IST1: variants seen among roughly 807,000 people sequenced by gnomAD.
IST1 encodes IST1 homolog.
In IST1, 23 loss-of-function variants were observed where a neutral mutation model predicts 37.0. The ratio of observed to expected loss-of-function variants is 0.62; its 90% confidence interval spans 0.45 to 0.88. The LOEUF (loss-of-function observed/expected upper bound fraction) is 0.88, where lower values mean the gene tolerates loss of function less well. Among genes scored for constraint, IST1 ranks in the 40% least tolerant of loss-of-function variants. IST1 has a pLI of 0.00. For missense variants in IST1, 488 were observed against 445.4 expected, an observed-to-expected ratio of 1.10 and a Z score of -0.86; for synonymous variants, 180 against 161.7, an observed-to-expected ratio of 1.11 and a Z score of -0.86.
chr16:71,904,755 T>G (rs1055010919), intron 1 of IST1, among the ~76,000 whole-genome samples: 2 of 152,184 alleles, frequency 1.3e-5, no homozygotes, highest in Admixed American at 6.5e-5. Flanking sequence ...TTCCCATACT[T>G]TACTTTTAAA....
intron 4 of IST1, among the ~76,000 whole-genome samples, chr16:71,917,988 C>T (rs1287629392): frequency 6.6e-6 from 1 of 152,150 alleles, no homozygotes; most frequent in East Asian, 1.9e-4. Flanking sequence ...AAGAGTGAGG[C>T]ACTAAAAAGG....
chr16:71,919,121 C>A (rs1303606492), intron 4 of IST1, among the ~76,000 whole-genome samples: 1 of 152,242 alleles, frequency 6.6e-6, no homozygotes, highest in Non-Finnish European at 1.5e-5. Context: ...CCTGTCACGA[C>A]CTCTTGCTTT....
chr16:71,894,975 C>A, upstream of IST1: 1 of 738,110 alleles, frequency 1.4e-6, no homozygotes, highest in Middle Eastern at 2.6e-4. Context: ...GATGCTGGTC[C>A]AAAGGGCAAC....
intron 6 of IST1, among the ~76,000 whole-genome samples, chr16:71,922,167 G>C (rs2037607068): frequency 6.6e-6 from 1 of 152,134 alleles, no homozygotes; most frequent in South Asian, 2.1e-4. Flanking sequence ...GCCAGTTAAG[G>C]TCAGTGGGGT....
intron 1 of IST1, among the ~76,000 whole-genome samples, chr16:71,907,433 A>G (rs1455668597): frequency 6.6e-6 from 1 of 151,572 alleles, no homozygotes; most frequent in Non-Finnish European, 1.5e-5. Context: ...ACCCGCCACC[A>G]CGCCCGGCTA....
At chr16:71,918,277 T>C (rs184659475) in intron 4 of IST1, among the ~76,000 whole-genome samples, 20 of 152,276 alleles carry the variant, frequency 1.3e-4, no homozygotes, top group Non-Finnish European at 2.9e-4. Context: ...CACTGTTGTC[T>C]CCTGTGTGTA....
intron 4 of IST1, among the ~76,000 whole-genome samples, chr16:71,918,159 C>T (rs557304117): frequency 1.3e-5 from 2 of 152,212 alleles, no homozygotes; most frequent in Admixed American, 6.5e-5. Context: ...TATCTTCTGT[C>T]GAGTGTATAA....
At chr16:71,894,898 T>C (rs1452507690), upstream of IST1, 1 of 1,372,932 alleles carries the variant, frequency 7.3e-7, no homozygotes, top group Non-Finnish European at 1.0e-6. Flanking sequence ...CCGAGATAAA[T>C]TAGGGAAATC....
intron 1 of IST1, among the ~76,000 whole-genome samples, chr16:71,909,905 C>T (rs964284217): frequency 6.6e-6 from 1 of 152,144 alleles, no homozygotes; most frequent in Admixed American, 6.6e-5. Flanking sequence ...CCTTTTTAAA[C>T]CTAATTACCT....
intron 1 of IST1, among the ~76,000 whole-genome samples, chr16:71,896,376 G>C (rs993673666): frequency 6.6e-6 from 1 of 151,826 alleles, no homozygotes; most frequent in Non-Finnish European, 1.5e-5. Context: ...AGATCTTTAG[G>C]GGAAACTTGA....
At chr16:71,910,811 A>C (rs751402511) in intron 1 of IST1, among the ~76,000 whole-genome samples, 1 of 151,260 alleles carries the variant, frequency 6.6e-6, no homozygotes. Context: ...ATATTCATCA[A>C]TTTGGAGTAT....
Position 71,922,608 on chromosome 16 carries a change from AAT to A in IST1, c.688_689del (p.Met230AlafsTer53), listed in dbSNP as rs754988973. ...TTGGTGGACCTGATGGAACGGTGCC[AAT>A]GCCCATGCCCATGCCCATGCCTATG... ...PVGGPDGTVP[M>X]PMPMPMPMPS... On this transcript the variant is annotated frameshift_variant, in exon 7 of 10. Coordinates refer to ENST00000378799, the MANE Select transcript of IST1 (RefSeq NM_001270975.2). LOFTEE classifies it high-confidence loss of function. 5.0e-6 allele frequency: 8 copies of A among 1,613,184 alleles called. No homozygotes were observed. The highest frequency in any genetic ancestry group is 2.7e-5 in the African/African-American group (2 of 74,706).
chr16:71,909,333 G>A (rs1026947397), intron 1 of IST1, among the ~76,000 whole-genome samples: 9 of 151,942 alleles, frequency 5.9e-5, no homozygotes, highest in Non-Finnish European at 8.8e-5. Context: ...CTTGAACACC[G>A]GCCTCAAGCG....
At chr16:71,921,978 A>G (rs1376327963) in intron 6 of IST1, among the ~76,000 whole-genome samples, 1 of 152,200 alleles carries the variant, frequency 6.6e-6, no homozygotes, top group African/African-American at 2.4e-5. Context: ...TCTACTAAAA[A>G]TACAAAAAAT....
rs2037779921 is a variant in IST1 at position 71,927,644 on chromosome 16, A to C, written c.932A>C (p.Lys311Thr). The C allele has an allele frequency of 6.2e-7, 1 of 1,613,866 alleles. No homozygotes were observed. Among genetic ancestry groups the C allele is most frequent in the Non-Finnish European group, 8.5e-7 (1 of 1,179,814 alleles). The change falls in exon 10 of 10, where the codon AAG becomes ACG. Residue 311 changes from lysine (K) to threonine (T), a missense_variant. Transcript: ENST00000378799. ...GGACCCAAGCCAGAAGCCTCTGCAAAGCTTCCTTCCAGACCTGCAGATAAC... is the reference window on the plus strand; with the variant it reads ...GGACCCAAGCCAGAAGCCTCTGCAACGCTTCCTTCCAGACCTGCAGATAAC... ...GPGPKPEASA[K>T]LPSRPADNYD...
chr16:71,917,736 A>T (rs950116116), intron 4 of IST1, among the ~76,000 whole-genome samples: 9 of 144,266 alleles, frequency 6.2e-5, no homozygotes, highest in South Asian at 2.3e-4. Context: ...TTATCTCTCA[A>T]CCCATCTACT....
Position 71,915,764 on chromosome 16 carries a change from A to G in IST1, c.88+36A>G, listed in dbSNP as rs770218778. The stretch of plus-strand genomic sequence containing the variant: ...TACTTTTTTTCCCCAAAAATAAATC[A>G]CTGGATACTAGCACCCCAGTAATGG... On this transcript the variant is annotated intron_variant, in intron 2 of 9. Coordinates refer to ENST00000378799, the MANE Select transcript of IST1 (RefSeq NM_001270975.2). 4.7e-6 allele frequency: 6 copies of G among 1,282,212 alleles called. No homozygotes were observed. The South Asian group carries it at 7.2e-5, about 15-fold the overall frequency. 79.4% of individuals were successfully genotyped at this position (1,282,212 alleles called of 1,614,324 possible).
intron 1 of IST1, among the ~76,000 whole-genome samples, chr16:71,911,552 A>G (rs1171306258): frequency 2.0e-5 from 3 of 152,122 alleles, no homozygotes; most frequent in Admixed American, 2.0e-4. Flanking sequence ...AAAACACCAA[A>G]AAACAAAACA....
intron 6 of IST1, among the ~76,000 whole-genome samples, chr16:71,922,144 A>G (rs531018689): frequency 4.8e-4 from 73 of 152,258 alleles, no homozygotes; most frequent in African/African-American, 1.7e-3. Flanking sequence ...CGTCTCAAAA[A>G]AAAAAACCAT....
Sources: gnomAD v4.1 joint callset for allele counts (sites outside exome capture counted in the v4.1 genomes callset) on GRCh38, gnomAD v4.1.1 for gene constraint, MANE v1.5 for transcripts, NCBI Gene and HGNC (gene_info 2026-07-23, HGNC 2026-07-21) for gene names.